DNAH7: variants seen among roughly 807,000 people sequenced by gnomAD.
The protein encoded by DNAH7 is dynein axonemal heavy chain 7.
A neutral mutation model predicts 444.6 loss-of-function variants in DNAH7; 397 were observed. That is an observed-to-expected ratio of 0.89 (90% CI 0.82 to 0.97). DNAH7 has a LOEUF of 0.97. Ranked by LOEUF, DNAH7 falls within the 50% of genes least tolerant of loss-of-function variation. The probability of loss-of-function intolerance (pLI) is 0.00; values close to 1 mark genes in which losing one functional copy is unlikely to be tolerated. For synonymous variants in DNAH7, 1,636 were observed against 1,624.4 expected (o/e 1.01, Z -0.17); for missense variants, 4,902 against 4,800.8 (o/e 1.02, Z -0.62).
intron 63 of DNAH7, among the ~76,000 whole-genome samples, chr2:195,754,077 A>G (rs1257423274): frequency 6.6e-6 from 1 of 152,238 alleles, no homozygotes; most frequent in Non-Finnish European, 1.5e-5. Flanking sequence ...AAGGACATAT[A>G]TTCTTTATCC....
chr2:196,015,689 G>C (rs538417361), intron 9 of DNAH7, among the ~76,000 whole-genome samples: 13 of 152,136 alleles, frequency 8.5e-5, no homozygotes, highest in Non-Finnish European at 1.9e-4. Flanking sequence ...ATGCATTTTA[G>C]AGTCACTCAG....
chr2:196,007,926 T>A (rs1012169118), intron 10 of DNAH7, among the ~76,000 whole-genome samples: 2 of 152,092 alleles, frequency 1.3e-5, no homozygotes. Context: ...AGAAAAAACA[T>A]AAATGAGACT....
intron 10 of DNAH7, among the ~76,000 whole-genome samples, chr2:196,005,365 G>C (rs530799559): frequency 4.0e-4 from 60 of 151,244 alleles, no homozygotes; most frequent in Non-Finnish European, 6.6e-4. Flanking sequence ...GAAATAAAGA[G>C]GTAAGTCCAA....
chr2:195,874,884 T>C (rs1305237796), intron 38 of DNAH7, among the ~76,000 whole-genome samples: 2 of 152,044 alleles, frequency 1.3e-5, no homozygotes, highest in African/African-American at 4.8e-5. Flanking sequence ...AATTACTGAC[T>C]CAGAACAAAC....
intron 29 of DNAH7, among the ~76,000 whole-genome samples, chr2:195,896,358 T>A (rs1352933919): frequency 1.3e-5 from 2 of 151,756 alleles, no homozygotes; most frequent in African/African-American, 4.9e-5. Flanking sequence ...TTTCAAAGAG[T>A]AGTTTTTTTT....
chr2:195,801,111 T>C (rs1307284202), intron 54 of DNAH7, among the ~76,000 whole-genome samples: 1 of 152,168 alleles, frequency 6.6e-6, no homozygotes, highest in East Asian at 1.9e-4. Context: ...GCCAAGCAGA[T>C]GCTGATGCCA....
chr2:195,751,544 AAAT>A (rs751326195), intron 63 of DNAH7, among the ~76,000 whole-genome samples: 2 of 152,196 alleles, frequency 1.3e-5, no homozygotes. Flanking sequence ...GAAATACATA[AAAT>A]AATTACAGTC....
intron 57 of DNAH7, among the ~76,000 whole-genome samples, chr2:195,790,162 G>A (rs1349473514): frequency 6.6e-6 from 1 of 152,030 alleles, no homozygotes; most frequent in East Asian, 1.9e-4. Context: ...AAACACCGCT[G>A]AAAGAAATCA....
chr2:195,962,791 C>A (rs1235360213), intron 17 of DNAH7, among the ~76,000 whole-genome samples: 1 of 152,160 alleles, frequency 6.6e-6, no homozygotes, highest in Non-Finnish European at 1.5e-5. Flanking sequence ...TTTTGGTAAC[C>A]ATTCTTCTAC....
intron 5 of DNAH7, among the ~76,000 whole-genome samples, chr2:196,035,139 G>A (rs1297010486): frequency 8.6e-5 from 13 of 151,942 alleles, no homozygotes; most frequent in Admixed American, 5.2e-4. Flanking sequence ...CCAAGATCAC[G>A]CCACTGCACT....
intron 34 of DNAH7, among the ~76,000 whole-genome samples, chr2:195,885,606 G>A (rs1270234753): frequency 6.6e-6 from 1 of 152,124 alleles, no homozygotes; most frequent in East Asian, 1.9e-4. Flanking sequence ...GAGTAATGCA[G>A]TAATATTTTC....
chr2:195,867,636 T>C (rs989326961), intron 40 of DNAH7, among the ~76,000 whole-genome samples: 6 of 152,196 alleles, frequency 3.9e-5, no homozygotes, highest in Non-Finnish European at 5.9e-5. Flanking sequence ...ACTATCTCTA[T>C]GGAACTAACT....
At chr2:195,787,915 G>A (rs1695704863) in intron 57 of DNAH7, among the ~76,000 whole-genome samples, 1 of 152,122 alleles carries the variant, frequency 6.6e-6, no homozygotes, top group African/African-American at 2.4e-5. Context: ...CATTTTAAAG[G>A]TGCCCTGGTT....
chr2:195,892,061 G>T (rs780632567), intron 30 of DNAH7, among the ~76,000 whole-genome samples: 2 of 151,818 alleles, frequency 1.3e-5, no homozygotes, highest in Non-Finnish European at 2.9e-5. Context: ...TACTTAGGAA[G>T]AAATTAGCAA....
At chr2:195,896,841 G>T (rs548541811) in intron 29 of DNAH7, among the ~76,000 whole-genome samples, 9 of 152,180 alleles carry the variant, frequency 5.9e-5, no homozygotes, top group Non-Finnish European at 1.2e-4. Context: ...TTTTCAGAAT[G>T]ATGAGACATG....
At chr2:195,753,825 A>G (rs980996186) in intron 63 of DNAH7, among the ~76,000 whole-genome samples, 6 of 152,194 alleles carry the variant, frequency 3.9e-5, no homozygotes, top group South Asian at 2.1e-4. Context: ...TCTATTAGCT[A>G]TAAGTTTTGG....
chr2:195,988,028 A>G lies in DNAH7; in HGVS notation c.1555T>C (p.Tyr519His). ...VDNFLAENHS[Y>H]EKIIDEICKY... ...CAAATTTCATCTATTATTTTTTCAT[A>G]ACTATGATTTTCTGCGAGGAAGTTA... is the stretch of plus-strand genomic sequence containing the variant. The change falls in exon 13 of 65, where the codon TAT (tyrosine) becomes CAT (histidine). Residue 519 changes from tyrosine (Y) to histidine (H), a missense_variant. Tyr to His is a moderately conservative substitution (Grantham distance 83). Transcript: ENST00000312428. 1.9e-6 allele frequency: 3 copies of G among 1,613,190 alleles called. No homozygotes were observed. The highest frequency in any genetic ancestry group is 2.5e-6 in the Non-Finnish European group (3 of 1,179,534).
rs1701542893 is a variant in DNAH7, at chr2:195,883,512, T to G, written c.5763+1073A>C. Among the ~76,000 whole-genome samples the G allele has an allele frequency of 5.3e-5, 8 of 149,984 alleles. No homozygotes were observed. In the South Asian group the frequency reaches 1.7e-3, roughly 32 times the overall value. ...AATGTACTGTTATTTAGAGGTTGTGTGATGCTGGGACAATCACATTAAATC... is the reference window on the plus strand; with the variant it reads ...AATGTACTGTTATTTAGAGGTTGTGGGATGCTGGGACAATCACATTAAATC... On this transcript the variant is annotated intron_variant, in intron 35 of 64. Transcript: ENST00000312428.
chr2:195,860,418 T>A (rs1699951418), intron 42 of DNAH7, among the ~76,000 whole-genome samples: 1 of 151,864 alleles, frequency 6.6e-6, no homozygotes, highest in Non-Finnish European at 1.5e-5. Flanking sequence ...GACAATTATC[T>A]TGAGAGCCAA....
Sources: allele counts gnomAD v4.1 joint callset (sites outside exome capture counted in the v4.1 genomes callset), GRCh38; gene constraint gnomAD v4.1.1; transcripts MANE v1.5; gene names NCBI Gene and HGNC (gene_info 2026-07-23, HGNC 2026-07-21).